Variants in KAZN observed in about 807,000 individuals in gnomAD.
The protein encoded by KAZN is kazrin, periplakin interacting protein.
In KAZN, 40 loss-of-function variants were observed where a neutral mutation model predicts 87.4. That is an observed-to-expected ratio of 0.46 (90% CI 0.36 to 0.60). The LOEUF is 0.60. KAZN is among the 20% of genes least tolerant of loss of function. The pLI, the probability that KAZN is intolerant of heterozygous loss-of-function variation, is 0.00. For missense variants in KAZN, 898 were observed against 1,073.9 expected, an observed-to-expected ratio of 0.84 and a Z score of 2.29; for synonymous variants, 466 against 458.3, an observed-to-expected ratio of 1.02 and a Z score of -0.22.
chr1:14,688,809 G>A (rs756398354), intron 1 of KAZN, among the ~76,000 whole-genome samples: 2 of 152,194 alleles, frequency 1.3e-5, no homozygotes, highest in African/African-American at 4.8e-5. Context: ...AGAGAAAAAG[G>A]CAAATAATAT....
intron 1 of KAZN, chr1:14,930,137 C>T (rs975808028): frequency 4.3e-6 from 4 of 930,186 alleles, no homozygotes; most frequent in Admixed American, 6.2e-5. Flanking sequence ...GGGTGGGGCC[C>T]GTCCTCAGTC....
chr1:14,383,790 G>C (rs994722677), intron 2 of KAZN, among the ~76,000 whole-genome samples: 5 of 152,104 alleles, frequency 3.3e-5, no homozygotes, highest in African/African-American at 1.2e-4. Flanking sequence ...GATTGACTTG[G>C]CTATATGGGC....
intron 1 of KAZN, among the ~76,000 whole-genome samples, chr1:14,136,531 C>T (rs1645112806): frequency 1.3e-5 from 2 of 152,194 alleles, no homozygotes; most frequent in African/African-American, 4.8e-5. Context: ...AAATCCTCCT[C>T]AGTCACGCAA....
At chr1:14,533,359 A>G (rs1012911443) in intron 2 of KAZN, among the ~76,000 whole-genome samples, 3 of 152,302 alleles carry the variant, frequency 2.0e-5, no homozygotes, top group African/African-American at 7.2e-5. Context: ...TTTCTAGTTA[A>G]AGGCAGCAGA....
At chr1:14,336,858 T>C (rs1657306758) in intron 2 of KAZN, among the ~76,000 whole-genome samples, 1 of 152,232 alleles carries the variant, frequency 6.6e-6, no homozygotes, top group Admixed American at 6.5e-5. Context: ...TTAGCAGATA[T>C]ATGATTTGCA....
At chr1:13,989,372 G>GCCCTAAAC (rs1281843574) in intron 1 of KAZN, among the ~76,000 whole-genome samples, 1 of 152,090 alleles carries the variant, frequency 6.6e-6, no homozygotes, top group East Asian at 1.9e-4. Context: ...ACTAGACAAA[G>GCCCTAAAC]CCCTAAACCT....
chr1:14,076,445 A>G (rs778657202), intron 1 of KAZN, among the ~76,000 whole-genome samples: 46 of 152,178 alleles, frequency 3.0e-4, no homozygotes, highest in Middle Eastern at 3.2e-3. Flanking sequence ...CAGATTCTCC[A>G]TCACATCTCA....
In KAZN at chr1:14,599,361, G is replaced by T; in HGVS notation, c.226+138G>T. 20 of 929,648 alleles carry T rather than the reference G, an allele frequency of 2.2e-5. No individual in the cohort carries two copies. The highest frequency in any genetic ancestry group is 2.8e-5 in the Non-Finnish European group (20 of 716,290). The allele number at this position is 929,648 out of a possible 1,614,324, so 57.6% of individuals were successfully genotyped here. A position where few individuals can be genotyped will look rare whatever the true frequency, so the allele number is the denominator to read the frequency against. On this transcript the variant is annotated intron_variant, in intron 1 of 14. Transcript: ENST00000376030. The surrounding 1 kb of genome is among the most constrained non-coding windows in gnomAD (Gnocchi z 4.4). ...TGGCTTGTAACCCTTTCCGCCCGGC[G>T]GTGGCCACCGCTGCTCTCCGGCTGG...
At chr1:14,137,441 G>C (rs1433198913) in intron 1 of KAZN, among the ~76,000 whole-genome samples, 3 of 152,128 alleles carry the variant, frequency 2.0e-5, no homozygotes, top group African/African-American at 7.2e-5. Flanking sequence ...GGGACTCACA[G>C]GGTTGACTCT....
At chr1:14,808,793 C>T (rs1336637965) in intron 1 of KAZN, among the ~76,000 whole-genome samples, 1 of 152,134 alleles carries the variant, frequency 6.6e-6, no homozygotes, top group African/African-American at 2.4e-5. Flanking sequence ...TCTTACAGAA[C>T]AGAAAGTCTT....
At chr1:14,628,102 T>C (rs1445117057) in intron 1 of KAZN, among the ~76,000 whole-genome samples, 1 of 152,216 alleles carries the variant, frequency 6.6e-6, no homozygotes, top group African/African-American at 2.4e-5. Context: ...TTTCTGCCTT[T>C]GCAATGGGAC....
intron 2 of KAZN, among the ~76,000 whole-genome samples, chr1:14,970,258 G>A (rs1664883469): frequency 6.6e-6 from 1 of 152,164 alleles, no homozygotes; most frequent in South Asian, 2.1e-4. Flanking sequence ...CCTTGCACAA[G>A]AGCCTTAAAA....
At position 13,908,578 on chromosome 1, in the gene KAZN, G is replaced by C. The variant is rs868765969; in HGVS notation, c.91+14822G>C. On this transcript the variant is annotated intron_variant, in intron 1 of 16. Transcript: ENST00000636203. ...ACTGGCAGTTGGAAACGGAAACTTG[G>C]AGCCGTGTCGAAGCCAGATGGCAGC... 8.5e-5 allele frequency among the ~76,000 whole-genome samples: 13 copies of C among 152,308 alleles called. No individual in the cohort carries two copies. In the South Asian group the frequency reaches 1.0e-3, roughly 12 times the overall value.
At chr1:14,069,908 C>T (rs181165097) in intron 1 of KAZN, among the ~76,000 whole-genome samples, 6 of 152,158 alleles carry the variant, frequency 3.9e-5, no homozygotes, top group African/African-American at 9.6e-5. Flanking sequence ...CGGTGGCTCA[C>T]GCCTGTAATC....
intron 8 of KAZN, among the ~76,000 whole-genome samples, chr1:15,092,060 G>GTTTTTTTTTTTTTGATTTTTTTT (rs57460680): frequency 8.7e-6 from 1 of 114,448 alleles, no homozygotes; most frequent in Admixed American, 9.4e-5. Flanking sequence ...TTGTTTTTTT[G>GTTTTTTTTTTTTTGATTTTTTTT]TTTTTTTTTT....
chr1:15,051,064 C>T (rs935720156), intron 4 of KAZN, among the ~76,000 whole-genome samples: 2 of 152,342 alleles, frequency 1.3e-5, no homozygotes, highest in Middle Eastern at 3.4e-3. Flanking sequence ...GCCCGTTTGG[C>T]GCAGTGTGCC....
intron 2 of KAZN, among the ~76,000 whole-genome samples, chr1:14,478,996 A>G (rs1021575580): frequency 6.6e-6 from 1 of 152,256 alleles, no homozygotes; most frequent in Non-Finnish European, 1.5e-5. Flanking sequence ...CTGGGAGTTG[A>G]GACTCCTGGG....
chr1:14,242,359 G>C (rs956756423), intron 2 of KAZN, among the ~76,000 whole-genome samples: 1 of 152,132 alleles, frequency 6.6e-6, no homozygotes, highest in East Asian at 1.9e-4. Flanking sequence ...GGTTTCCTTG[G>C]GGGGAAGCCC....
intron 1 of KAZN, among the ~76,000 whole-genome samples, chr1:14,780,959 T>A (rs1022748319): frequency 2.6e-5 from 4 of 151,806 alleles, no homozygotes; most frequent in African/African-American, 9.7e-5. Context: ...GCAGCTGGAG[T>A]TACAGGAGCC....
Sources: gnomAD v4.1 joint callset for allele counts (sites outside exome capture counted in the v4.1 genomes callset) on GRCh38, gnomAD v4.1.1 for gene constraint, Gnocchi (gnomAD v3.1) non-coding constraint, MANE v1.5 for transcripts, NCBI Gene and HGNC (gene_info 2026-07-23, HGNC 2026-07-21) for gene names.